The following HSDL2 variants were observed in gnomAD, a reference collection of about 807,000 sequenced individuals.
The protein encoded by HSDL2 is hydroxysteroid dehydrogenase like 2.
HSDL2 carries 27 observed loss-of-function variants against 46.3 expected under a neutral mutation model. The observed-to-expected ratio is 0.58, with a 90% CI of 0.43 to 0.80. The LOEUF (loss-of-function observed/expected upper bound fraction) is 0.80, where lower values mean the gene tolerates loss of function less well. Among genes scored for constraint, HSDL2 ranks in the 30% least tolerant of loss-of-function variants. HSDL2 has a pLI of 0.00. For synonymous variants in HSDL2, 153 were observed against 163.6 expected (o/e 0.94, Z 0.50); for missense variants, 451 against 502.7 (o/e 0.90, Z 0.98).
chr9:112,461,541 A>G (rs1833210373), intron 10 of HSDL2, among the ~76,000 whole-genome samples: 1 of 152,262 alleles, frequency 6.6e-6, no homozygotes, highest in Non-Finnish European at 1.5e-5. Context: ...ACCATTTAAA[A>G]TAAAAATGTA....
rs116005142 is a variant in HSDL2, at chr9:112,431,576, T to C, written c.599-6855T>C. Among the ~76,000 whole-genome samples, 341 of 152,214 alleles carry C rather than the reference T, an allele frequency of 2.2e-3. 1 individual carries two copies. The highest frequency in any genetic ancestry group is 7.7e-3 in the African/African-American group (319 of 41,544). On this transcript the variant is annotated intron_variant, in intron 6 of 10. Coordinates refer to ENST00000398805, the MANE Select transcript of HSDL2 (RefSeq NM_032303.5). Reference sequence around the variant, plus strand: ...GGAGGTGGGGTCTGGTGGGAGGTGATTGGATCATGGGGGCAGCTTTCTCCT... The same window carrying C: ...GGAGGTGGGGTCTGGTGGGAGGTGACTGGATCATGGGGGCAGCTTTCTCCT...
chr9:112,448,520 CCTCCTTTCTTTCT>C (rs1832797054), intron 8 of HSDL2, among the ~76,000 whole-genome samples: 1 of 892 alleles, frequency 1.1e-3, no homozygotes, highest in East Asian at 8.3e-3. Context: ...TTCTTTCTTT[CCTCCTTTCTTTCT>C]TTCCTTCTTT....
chr9:112,457,804 T>C (rs1833076525), intron 9 of HSDL2, among the ~76,000 whole-genome samples: 1 of 152,130 alleles, frequency 6.6e-6, no homozygotes, highest in African/African-American at 2.4e-5. Flanking sequence ...TGCCTTGACA[T>C]TCTCTCTCAA....
Position 112,386,619 on chromosome 9 carries a change from C to CAA in HSDL2, c.17+6447_17+6448dup, listed in dbSNP as rs752755307. On this transcript the variant is annotated intron_variant, in intron 1 of 10. Transcript: ENST00000398805. ...CAGCACAGTAAGACTCTGTCTCTAC[C>CAA]AAAAAAAAATAAAAATTAACCAAGC... Among the ~76,000 whole-genome samples, 758 of 145,204 alleles carry CAA rather than the reference C, an allele frequency of 5.2e-3. 9 individuals carry two copies. Among genetic ancestry groups the CAA allele is most frequent in the African/African-American group, 0.014 (552 of 39,580 alleles).
intron 10 of HSDL2, among the ~76,000 whole-genome samples, chr9:112,464,987 G>C (rs1476094798): frequency 6.6e-6 from 1 of 152,130 alleles, no homozygotes; most frequent in East Asian, 1.9e-4. Flanking sequence ...CGTATGAACT[G>C]AGTCATGTAA....
At chr9:112,415,983 CT>C (rs1831982508) in intron 4 of HSDL2, among the ~76,000 whole-genome samples, 1 of 151,962 alleles carries the variant, frequency 6.6e-6, no homozygotes, top group South Asian at 2.1e-4. Flanking sequence ...TGGCGGGCGC[CT>C]TGTAGTCCCA....
chr9:112,453,537 C>T (rs1222332431), intron 8 of HSDL2, among the ~76,000 whole-genome samples: 3 of 152,088 alleles, frequency 2.0e-5, no homozygotes, highest in African/African-American at 4.8e-5. Flanking sequence ...GGACTACAGG[C>T]ACCAACCACC....
At chr9:112,411,267 A>G (rs1010796238) in intron 4 of HSDL2, among the ~76,000 whole-genome samples, 2 of 152,258 alleles carry the variant, frequency 1.3e-5, no homozygotes, top group African/African-American at 4.8e-5. Flanking sequence ...CGTATGTTCA[A>G]GCAAAATGGG....
intron 6 of HSDL2, among the ~76,000 whole-genome samples, chr9:112,423,590 TGA>T (rs1445637704): frequency 1.3e-5 from 2 of 151,828 alleles, no homozygotes; most frequent in African/African-American, 4.8e-5. Context: ...ATTACAGGTG[TGA>T]GCCACTGCCC....
intron 3 of HSDL2, among the ~76,000 whole-genome samples, chr9:112,406,478 C>CT (rs796199537): frequency 1.6e-3 from 239 of 151,020 alleles, no homozygotes; most frequent in Middle Eastern, 6.8e-3. Context: ...TTTCTTTTTT[C>CT]TTTTTTTTTG....
intron 4 of HSDL2, among the ~76,000 whole-genome samples, chr9:112,413,365 T>C (rs1831920038): frequency 6.6e-6 from 1 of 151,924 alleles, no homozygotes; most frequent in South Asian, 2.1e-4. Context: ...GTAATCCAGC[T>C]ACTCGGGAGG....
chr9:112,437,402 G>C (rs1004472739), intron 6 of HSDL2, among the ~76,000 whole-genome samples: 2 of 152,082 alleles, frequency 1.3e-5, no homozygotes, highest in Admixed American at 1.3e-4. Flanking sequence ...TTGATTCTGA[G>C]ATGCCCATGC....
chr9:112,467,044 T>C (rs2132718592), intron 10 of HSDL2, among the ~76,000 whole-genome samples: 1 of 152,304 alleles, frequency 6.6e-6, no homozygotes, highest in East Asian at 1.9e-4. Context: ...AATTACCAAA[T>C]AACTCACAAT....
intron 8 of HSDL2, among the ~76,000 whole-genome samples, chr9:112,442,087 C>T (rs1832650055): frequency 6.6e-6 from 1 of 151,412 alleles, no homozygotes; most frequent in East Asian, 1.9e-4. Context: ...CATGGCGAAA[C>T]CCCGTCTCTA....
chr9:112,419,157 C>A (rs1176269673), intron 6 of HSDL2, among the ~76,000 whole-genome samples, 199 bp downstream of exon 6: 2 of 114,344 alleles, frequency 1.7e-5, no homozygotes, highest in Admixed American at 2.0e-4. Flanking sequence ...TATAGGTGCA[C>A]ACCACCATGC....
intron 5 of HSDL2, among the ~76,000 whole-genome samples, chr9:112,417,178 T>A (rs989216237): frequency 1.3e-5 from 2 of 152,220 alleles, no homozygotes; most frequent in Non-Finnish European, 2.9e-5. Flanking sequence ...TTCAGTTTGA[T>A]GAGTTTTGAG....
intron 6 of HSDL2, among the ~76,000 whole-genome samples, chr9:112,428,446 T>G (rs1332424984): frequency 6.6e-6 from 1 of 152,174 alleles, no homozygotes; most frequent in Non-Finnish European, 1.5e-5. Context: ...AAGATGAGAG[T>G]GAAAAAGGCA....
chr9:112,392,657 A>G (rs940659524), intron 1 of HSDL2, among the ~76,000 whole-genome samples: 3 of 152,130 alleles, frequency 2.0e-5, no homozygotes, highest in Non-Finnish European at 4.4e-5. Flanking sequence ...GCCTGACCCC[A>G]CAGGCAGTCA....
At chr9:112,462,213 C>G (rs1270628424) in intron 10 of HSDL2, among the ~76,000 whole-genome samples, 4 of 152,116 alleles carry the variant, frequency 2.6e-5, no homozygotes, top group Non-Finnish European at 2.9e-5. Flanking sequence ...TCTGTAATCC[C>G]AGCACTTTGG....
Sources: allele counts gnomAD v4.1 joint callset (sites outside exome capture counted in the v4.1 genomes callset), GRCh38; gene constraint gnomAD v4.1.1; transcripts MANE v1.5; gene names NCBI Gene and HGNC (gene_info 2026-07-23, HGNC 2026-07-21).